Variants in LRMDA observed in about 807,000 individuals in gnomAD.
LRMDA encodes leucine rich melanocyte differentiation associated, also known as leucine-rich melanocyte differentiation-associated protein.
A neutral mutation model predicts 29.8 loss-of-function variants in LRMDA; 18 were observed. The observed-to-expected ratio is 0.60, with a 90% CI of 0.42 to 0.90. The LOEUF is 0.90. LRMDA is among the 40% of genes least tolerant of loss of function. The probability of loss-of-function intolerance (pLI) is 0.00; values close to 1 mark genes in which losing one functional copy is unlikely to be tolerated. For missense variants in LRMDA, 273 were observed against 273.9 expected, an observed-to-expected ratio of 1.00 and a Z score of 0.02; for synonymous variants, 125 against 109.4, an observed-to-expected ratio of 1.14 and a Z score of -0.89.
intron 2 of LRMDA, among the ~76,000 whole-genome samples, chr10:75,916,056 C>T (rs1845926402): frequency 6.6e-6 from 1 of 152,068 alleles, no homozygotes; most frequent in Admixed American, 6.6e-5. Flanking sequence ...AAGACAGAGA[C>T]TTGTCTAGAG....
At chr10:75,444,823 T>C (rs917839040) in intron 2 of LRMDA, among the ~76,000 whole-genome samples, 5 of 152,250 alleles carry the variant, frequency 3.3e-5, no homozygotes, top group Non-Finnish European at 7.3e-5. Context: ...GTTATCATTG[T>C]ATTGTCTTCC....
At chr10:75,761,554 G>A (rs1368373045) in intron 2 of LRMDA, among the ~76,000 whole-genome samples, 1 of 152,170 alleles carries the variant, frequency 6.6e-6, no homozygotes, top group Non-Finnish European at 1.5e-5. Flanking sequence ...GGGACTTACT[G>A]TTTAATGGAT....
intron 6 of LRMDA, chr10:76,438,771 G>A (rs1184173380): frequency 6.6e-6 from 1 of 152,280 alleles, no homozygotes. Context: ...CTTTATTACT[G>A]TGGAGTTAAG....
At chr10:76,401,958 G>A (rs559152773) in intron 6 of LRMDA, among the ~76,000 whole-genome samples, 20 of 152,088 alleles carry the variant, frequency 1.3e-4, no homozygotes, top group South Asian at 2.1e-4. Flanking sequence ...AGGTGGGGTC[G>A]GGGGAAACAG....
chr10:76,238,507 T>C (rs138878503), intron 5 of LRMDA, among the ~76,000 whole-genome samples: 1,695 of 150,174 alleles, frequency 0.011, 15 homozygotes, highest in Non-Finnish European at 0.017. Context: ...CCAGGGGTCT[T>C]CTCCTCAGGT....
At chr10:75,443,122 T>A (rs1386096362) in intron 2 of LRMDA, among the ~76,000 whole-genome samples, 1 of 152,158 alleles carries the variant, frequency 6.6e-6, no homozygotes, top group Non-Finnish European at 1.5e-5. Context: ...TTCATGGTTT[T>A]CTATGTATAA....
chr10:75,482,782 AG>A (rs1314579885), intron 2 of LRMDA, among the ~76,000 whole-genome samples: 3 of 152,248 alleles, frequency 2.0e-5, no homozygotes, highest in African/African-American at 7.2e-5. Context: ...CAAATATGAT[AG>A]CTTTTTAGAA....
chr10:76,512,615 T>A (rs1455768932), intron 6 of LRMDA, among the ~76,000 whole-genome samples: 1 of 152,148 alleles, frequency 6.6e-6, no homozygotes, highest in Non-Finnish European at 1.5e-5. Context: ...GCTAAAATGA[T>A]AAAATTTTTA....
At chr10:76,327,731 C>A (rs1253611061) in intron 6 of LRMDA, among the ~76,000 whole-genome samples, 1 of 152,110 alleles carries the variant, frequency 6.6e-6, no homozygotes, top group African/African-American at 2.4e-5. Context: ...AGAAAGGAGA[C>A]CCTGCTTCCT....
At chr10:75,853,015 C>A (rs1844758937) in intron 2 of LRMDA, among the ~76,000 whole-genome samples, 2 of 152,048 alleles carry the variant, frequency 1.3e-5, no homozygotes, top group Non-Finnish European at 2.9e-5. Flanking sequence ...GGGGGAAAAG[C>A]CCCTTATAAA....
chr10:76,316,928 T>C (rs1467551766), intron 5 of LRMDA, among the ~76,000 whole-genome samples: 1 of 152,238 alleles, frequency 6.6e-6, no homozygotes. Context: ...GATAATCTTG[T>C]CTCAATGCTT....
chr10:76,330,184 A>G (rs1397916572), intron 6 of LRMDA, among the ~76,000 whole-genome samples: 1 of 152,208 alleles, frequency 6.6e-6, no homozygotes, highest in Non-Finnish European at 1.5e-5. Context: ...TTCCTCATCT[A>G]TTATAAGGGT....
chr10:75,862,847 A>G (rs376044749), intron 2 of LRMDA, among the ~76,000 whole-genome samples: 1 of 152,288 alleles, frequency 6.6e-6, no homozygotes, highest in South Asian at 2.1e-4. Context: ...GCATATTAGC[A>G]TGGTGTCTAC....
At chr10:76,034,170 A>G (rs1206429671) in intron 2 of LRMDA, among the ~76,000 whole-genome samples, 1 of 152,026 alleles carries the variant, frequency 6.6e-6, no homozygotes, top group Non-Finnish European at 1.5e-5. Context: ...ATGTGCGTAC[A>G]TTGTGGGTTT....
chr10:76,260,042 A>G (rs1839913338), intron 5 of LRMDA, among the ~76,000 whole-genome samples: 1 of 151,706 alleles, frequency 6.6e-6, no homozygotes, highest in Non-Finnish European at 1.5e-5. Context: ...CATCCTGTCT[A>G]TGTTTTTTAA....
chr10:75,907,988 C>T (rs1164111610), intron 2 of LRMDA, among the ~76,000 whole-genome samples: 1 of 152,166 alleles, frequency 6.6e-6, no homozygotes, highest in Non-Finnish European at 1.5e-5. Context: ...TCCCTGAAGC[C>T]TGTCATCCAT....
chr10:75,660,285 C>A (rs1441457959), intron 2 of LRMDA, among the ~76,000 whole-genome samples: 1 of 152,230 alleles, frequency 6.6e-6, no homozygotes, highest in Non-Finnish European at 1.5e-5. Context: ...TGTGAAGAGA[C>A]AGTTGAGTAA....
rs577620773 is a variant in LRMDA, at chr10:76,070,641, G to A, written c.516+11858G>A. Among the ~76,000 whole-genome samples the A allele has an allele frequency of 2.6e-5, 4 of 152,300 alleles. No individual in the cohort carries two copies. The South Asian group carries it at 8.3e-4, about 32-fold the overall frequency. ...GGGGTACGCATTCAGTCCACAGCAGGGGGCATTGCCCCTCTATTTCTGGTG... is the reference window on the plus strand; with the variant it reads ...GGGGTACGCATTCAGTCCACAGCAGAGGGCATTGCCCCTCTATTTCTGGTG... On this transcript the variant is annotated intron_variant, in intron 5 of 6. Coordinates refer to ENST00000611255, the MANE Select transcript of LRMDA (RefSeq NM_001305581.2).
intron 2 of LRMDA, among the ~76,000 whole-genome samples, chr10:75,758,582 A>G (rs1041809288): frequency 6.6e-6 from 1 of 152,238 alleles, no homozygotes; most frequent in Admixed American, 6.5e-5. Flanking sequence ...TCCTAAGGGC[A>G]GGAGCTATGT....
Sources: allele counts gnomAD v4.1 joint callset (sites outside exome capture counted in the v4.1 genomes callset), GRCh38; gene constraint gnomAD v4.1.1; transcripts MANE v1.5; gene names NCBI Gene and HGNC (gene_info 2026-07-23, HGNC 2026-07-21).